The following DLG2 variants were observed in gnomAD, a reference collection of about 807,000 sequenced individuals.
DLG2 encodes the protein discs large MAGUK scaffold protein 2.
Under a neutral mutation model 132.5 loss-of-function variants are expected in DLG2, and 45 were observed. The ratio of observed to expected loss-of-function variants is 0.34; its 90% CI spans 0.27 to 0.44. The LOEUF is 0.44. Ranked by LOEUF, DLG2 falls within the 20% of genes least tolerant of loss-of-function variation. DLG2 has a pLI of 1.00. For synonymous variants in DLG2, 424 were observed against 419.6 expected (o/e 1.01, Z -0.13); for missense variants, 1,045 against 1,196.9 (o/e 0.87, Z 1.87).
chr11:84,280,072 G>T (rs775239319), intron 7 of DLG2, among the ~76,000 whole-genome samples: 7 of 152,068 alleles, frequency 4.6e-5, no homozygotes, highest in Non-Finnish European at 8.8e-5. Context: ...TGGAAACAAA[G>T]AAATAAAGAT....
At chr11:85,268,265 C>T (rs1208130129) in intron 4 of DLG2, among the ~76,000 whole-genome samples, 1 of 152,194 alleles carries the variant, frequency 6.6e-6, no homozygotes. Flanking sequence ...GAGATAGATG[C>T]ATATCTGATT....
intron 16 of DLG2, among the ~76,000 whole-genome samples, chr11:83,853,874 T>C (rs2060136938): frequency 6.6e-6 from 1 of 152,154 alleles, no homozygotes; most frequent in African/African-American, 2.4e-5. Flanking sequence ...CTGCAAGTTC[T>C]AGTTAATACA....
chr11:84,225,070 G>A (rs1259763567), intron 8 of DLG2, among the ~76,000 whole-genome samples: 1 of 152,042 alleles, frequency 6.6e-6, no homozygotes, highest in East Asian at 1.9e-4. Context: ...AAGTTTTGTT[G>A]GTCTGTTTAC....
At chr11:84,688,852 G>C (rs1381219750) in intron 6 of DLG2, among the ~76,000 whole-genome samples, 1 of 152,058 alleles carries the variant, frequency 6.6e-6, no homozygotes. Context: ...CCCTGTTCCT[G>C]GTGGAGGACT....
intron 16 of DLG2, among the ~76,000 whole-genome samples, chr11:83,857,243 G>A (rs1405791819): frequency 3.9e-5 from 6 of 152,192 alleles, no homozygotes; most frequent in Admixed American, 3.9e-4. Context: ...TTTGAAGTCA[G>A]CTAGTGTGAT....
chr11:84,207,965 A>C (rs1421549495), intron 8 of DLG2, among the ~76,000 whole-genome samples: 1 of 152,156 alleles, frequency 6.6e-6, no homozygotes, highest in South Asian at 2.1e-4. Flanking sequence ...ATGGGGAAAA[A>C]AGGCTCACCT....
At chr11:85,064,323 C>T (rs1193992723) in intron 6 of DLG2, among the ~76,000 whole-genome samples, 1 of 151,770 alleles carries the variant, frequency 6.6e-6, no homozygotes, top group African/African-American at 2.4e-5. Flanking sequence ...AATGAATACA[C>T]TGAAAGGTCA....
chr11:85,434,989 C>A (rs1267701762), intron 3 of DLG2, among the ~76,000 whole-genome samples: 1 of 152,216 alleles, frequency 6.6e-6, no homozygotes, highest in Non-Finnish European at 1.5e-5. Flanking sequence ...AAGTCGGCTT[C>A]ATCCCTGGGA....
intron 6 of DLG2, among the ~76,000 whole-genome samples, chr11:85,095,270 G>A (rs571243996): frequency 6.6e-6 from 1 of 152,244 alleles, no homozygotes; most frequent in Admixed American, 6.5e-5. Context: ...ATATGCTGTT[G>A]GAAAAATGTT....
intron 6 of DLG2, among the ~76,000 whole-genome samples, chr11:84,648,431 T>C (rs2099677457): frequency 6.6e-6 from 1 of 152,204 alleles, no homozygotes; most frequent in South Asian, 2.1e-4. Flanking sequence ...GTGCGAGAAA[T>C]TGAAATCTAA....
At chr11:83,605,220 C>G (rs1325719068) in intron 19 of DLG2, among the ~76,000 whole-genome samples, 2 of 152,316 alleles carry the variant, frequency 1.3e-5, no homozygotes, top group Non-Finnish European at 1.5e-5. Context: ...CTCTCCTCAG[C>G]TCACTGGAGT....
chr11:84,018,026 T>A lies in DLG2; in HGVS notation c.920-37384A>T, dbSNP rs1467741797. On this transcript the variant is annotated intron_variant, in intron 11 of 27. Coordinates refer to ENST00000376104, the MANE Select transcript of DLG2 (RefSeq NM_001142699.3). ...GTCTCTATATCCATTGTGGTAGTAG[T>A]TTGCTTTATTTGTTTGTATTTATCC... 2.0e-5 allele frequency among the ~76,000 whole-genome samples: 3 copies of A among 152,100 alleles called. No individual in the cohort carries two copies. In the East Asian group the frequency reaches 5.8e-4, roughly 29 times the overall value.
chr11:84,383,006 C>T (rs573305517), intron 7 of DLG2, among the ~76,000 whole-genome samples: 1 of 152,110 alleles, frequency 6.6e-6, no homozygotes, highest in East Asian at 1.9e-4. Context: ...CTGTCCTCCA[C>T]ATTGCTGCCA....
intron 5 of DLG2, among the ~76,000 whole-genome samples, chr11:85,139,925 T>C (rs1205702024): frequency 1.3e-5 from 2 of 152,026 alleles, no homozygotes; most frequent in Non-Finnish European, 2.9e-5. Context: ...TATTTTCCTT[T>C]CTGTGTCTGG....
chr11:85,020,638 T>C, intron 6 of DLG2: 1 of 386,552 alleles, frequency 2.6e-6, no homozygotes, highest in Non-Finnish European at 5.0e-6. Context: ...TTTATACTGA[T>C]CTTTGACAAA....
At chr11:83,694,029 T>C (rs867320104) in intron 18 of DLG2, among the ~76,000 whole-genome samples, 2 of 152,214 alleles carry the variant, frequency 1.3e-5, no homozygotes, top group Non-Finnish European at 2.9e-5. Context: ...CCCTCTTACA[T>C]AGCTTGTTTA....
At chr11:84,471,447 C>T (rs2154490304) in intron 7 of DLG2, among the ~76,000 whole-genome samples, 1 of 151,934 alleles carries the variant, frequency 6.6e-6, no homozygotes, top group African/African-American at 2.4e-5. Flanking sequence ...AATTTAATAG[C>T]CATTGGCTCC....
chr11:83,608,263 G>T (rs918455333), intron 19 of DLG2, among the ~76,000 whole-genome samples: 1 of 152,048 alleles, frequency 6.6e-6, no homozygotes, highest in African/African-American at 2.4e-5. Flanking sequence ...CCTACAGTGG[G>T]CAAAATCATC....
chr11:85,170,388 T>C (rs775043926), intron 4 of DLG2, among the ~76,000 whole-genome samples: 1 of 152,136 alleles, frequency 6.6e-6, no homozygotes, highest in African/African-American at 2.4e-5. Flanking sequence ...CCTTTCCAGG[T>C]TTCATGCTTG....
Sources: gnomAD v4.1 joint callset for allele counts (sites outside exome capture counted in the v4.1 genomes callset) on GRCh38, gnomAD v4.1.1 for gene constraint, MANE v1.5 for transcripts, NCBI Gene and HGNC (gene_info 2026-07-23, HGNC 2026-07-21) for gene names.